PDZD2: variants seen among roughly 807,000 people sequenced by gnomAD.
PDZD2 encodes PDZ domain-containing protein 2.
PDZD2 carries 90 observed loss-of-function variants against 220.7 expected under a neutral mutation model. That is an observed-to-expected ratio of 0.41 (90% CI 0.34 to 0.49). The LOEUF is 0.49. Ranked by LOEUF, PDZD2 falls within the 20% of genes least tolerant of loss-of-function variation. The pLI is 0.28. For missense variants in PDZD2, 3,174 were observed against 3,608.5 expected, an observed-to-expected ratio of 0.88 and a Z score of 3.08; for synonymous variants, 1,375 against 1,450.5, an observed-to-expected ratio of 0.95 and a Z score of 1.18.
At chr5:31,980,192 A>G (rs1677701234) in intron 2 of PDZD2, among the ~76,000 whole-genome samples, 2 of 152,160 alleles carry the variant, frequency 1.3e-5, no homozygotes, top group Non-Finnish European at 2.9e-5. Flanking sequence ...ATCTATTAGC[A>G]GTGAGTCCCA....
Position 32,089,376 on chromosome 5 carries a change from C to A in PDZD2, c.5928C>A (p.Asp1976Glu). The change falls in exon 20 of 25, where the codon GAC becomes GAA. Residue 1976 changes from aspartate to glutamate, a missense_variant. By Grantham distance (45) the Asp-to-Glu change is conservative. Transcript: ENST00000438447. ...GGCCACTGAAACCCTCAGTGTCTGA[C>A]ACGAGCATCAGGACATTTGTCTCGC... ...TSGPLKPSVS[D>E]TSIRTFVSPL... 1 of 1,614,176 alleles carries A rather than the reference C, an allele frequency of 6.2e-7. No homozygotes were observed. Among genetic ancestry groups the A allele is most frequent in the Non-Finnish European group, 8.5e-7 (1 of 1,180,026 alleles).
Position 32,089,332 on chromosome 5 carries a change from C to T in PDZD2, c.5884C>T (p.Pro1962Ser). 1 of 1,614,118 alleles carries T rather than the reference C, an allele frequency of 6.2e-7. No homozygotes were observed. The highest frequency in any genetic ancestry group is 8.5e-7 in the Non-Finnish European group (1 of 1,180,002). The change falls in exon 20 of 25, where the codon CCA becomes TCA. Residue 1962 changes from proline (P) to serine (S), a missense_variant. Pro to Ser is a moderately conservative substitution (Grantham distance 74). Around this residue, in one of 4 missense-constraint regions of PDZD2, gnomAD observed 1,861 missense variants for 2,001.0 expected, o/e 0.93. Transcript: ENST00000438447. ...CCCCCAGTGTGTGCTGGAAAGCAAGCCACCTCTTGCCACCTCTGGGCCACT... is the reference window on the plus strand; with the variant it reads ...CCCCCAGTGTGTGCTGGAAAGCAAGTCACCTCTTGCCACCTCTGGGCCACT... Reference protein sequence around the residue: ...RSPQCVLESKPPLATSGPLKP... With the variant: ...RSPQCVLESKSPLATSGPLKP...
intron 2 of PDZD2, among the ~76,000 whole-genome samples, chr5:31,895,448 CA>C (rs1355141755): frequency 6.6e-6 from 1 of 152,174 alleles, no homozygotes; most frequent in East Asian, 1.9e-4. Context: ...CAGGTACTGC[CA>C]GTACCTTGAT....
chr5:31,855,567 T>G (rs1204996085), intron 2 of PDZD2, among the ~76,000 whole-genome samples: 1 of 152,196 alleles, frequency 6.6e-6, no homozygotes, highest in Non-Finnish European at 1.5e-5. Flanking sequence ...GCGGGGGGCA[T>G]GGCAGCAGCC....
At chr5:32,031,188 T>G (rs180895495) in intron 6 of PDZD2, among the ~76,000 whole-genome samples, 48 of 152,312 alleles carry the variant, frequency 3.2e-4, no homozygotes, top group African/African-American at 9.6e-4. Context: ...CTCCCTACTT[T>G]TGTGACAGAC....
In PDZD2 at chr5:32,089,125, A is replaced by G; in HGVS notation, c.5677A>G (p.Lys1893Glu). The G allele has an allele frequency of 6.2e-7, 1 of 1,614,142 alleles. No individual in the cohort carries two copies. The highest frequency in any genetic ancestry group is 8.5e-7 in the Non-Finnish European group (1 of 1,179,998). Reference protein sequence around the residue: ...PKLKRLSLKGKAKVNSEAPAA... With the variant: ...PKLKRLSLKGEAKVNSEAPAA... ...GCTGAAGAGGCTCAGCCTCAAGGGC[A>G]AGGCCAAAGTCAACTCTGAGGCCCC... The change falls in exon 20 of 25, where the codon AAG becomes GAG. Residue 1893 changes from lysine to glutamate, a missense_variant. Coordinates refer to ENST00000438447, the MANE Select transcript of PDZD2 (RefSeq NM_178140.4).
chr5:31,639,312 CGGGG>C lies in PDZD2; in HGVS notation c.-485_-482del, dbSNP rs1744843744. The C allele has an allele frequency of 6.7e-6, 1 of 149,878 alleles. No homozygotes were observed. The highest frequency in any genetic ancestry group is 2.4e-5 in the African/African-American group (1 of 41,180). The allele number at this position is 149,878 out of a possible 1,614,324, so 9.3% of individuals were successfully genotyped here. ...GCCGGCGAACCGCGGCTCTGCAGCT[CGGGG>C]CAGGCGCGGCGGCGGCACCGGTGGT... On this transcript the variant is annotated 5_prime_UTR_variant, in exon 1 of 25. Coordinates refer to ENST00000438447, the MANE Select transcript of PDZD2 (RefSeq NM_178140.4). The surrounding 1 kb of genome is among the most constrained non-coding windows in gnomAD (Gnocchi z 4.1).
At chr5:31,647,289 C>G (rs1454470761) in intron 1 of PDZD2, among the ~76,000 whole-genome samples, 1 of 152,330 alleles carries the variant, frequency 6.6e-6, no homozygotes, top group Non-Finnish European at 1.5e-5. Flanking sequence ...TTGCCACATA[C>G]AGCTCATTCA....
At chr5:31,923,490 C>G (rs1209845844) in intron 2 of PDZD2, 27 of 950,072 alleles carry the variant, frequency 2.8e-5, no homozygotes, top group Non-Finnish European at 4.3e-5. Flanking sequence ...GGGTGCAGAT[C>G]CTGGAATGTC....
chr5:32,008,960 G>A (rs1753071180), intron 5 of PDZD2, among the ~76,000 whole-genome samples: 1 of 152,130 alleles, frequency 6.6e-6, no homozygotes, highest in South Asian at 2.1e-4. Context: ...GAGTCCAAAG[G>A]GTTTGGAAGG....
chr5:31,792,704 C>T (rs1163954845), intron 1 of PDZD2, among the ~76,000 whole-genome samples: 1 of 151,882 alleles, frequency 6.6e-6, no homozygotes, highest in Non-Finnish European at 1.5e-5. Flanking sequence ...AGGCATGAGC[C>T]ACTGCACCCA....
chr5:31,898,104 G>T (rs943633780), intron 2 of PDZD2, among the ~76,000 whole-genome samples: 1 of 152,058 alleles, frequency 6.6e-6, no homozygotes, highest in African/African-American at 2.4e-5. Context: ...CTCCTCCCTG[G>T]AGCCAACTAT....
At chr5:32,026,828 T>C (rs1754703034) in intron 6 of PDZD2, among the ~76,000 whole-genome samples, 1 of 152,230 alleles carries the variant, frequency 6.6e-6, no homozygotes, top group Admixed American at 6.5e-5. Flanking sequence ...ATTTGAAATC[T>C]GTACTAAGGT....
At chr5:31,840,535 T>A (rs1757241548) in intron 2 of PDZD2, 1 of 631,624 alleles carries the variant, frequency 1.6e-6, no homozygotes, top group Non-Finnish European at 2.9e-6. Context: ...CAGCTCAGGC[T>A]CCTTCCCACT....
At chr5:31,659,728 A>C (rs1454608428) in intron 1 of PDZD2, among the ~76,000 whole-genome samples, 1 of 152,258 alleles carries the variant, frequency 6.6e-6, no homozygotes, top group Non-Finnish European at 1.5e-5. Context: ...GTTAAGGGAA[A>C]GACATACAGC....
intron 8 of PDZD2, among the ~76,000 whole-genome samples, chr5:32,049,510 A>C (rs527503303): frequency 6.6e-6 from 1 of 152,336 alleles, no homozygotes; most frequent in African/African-American, 2.4e-5. Flanking sequence ...GGGTCAGGGC[A>C]TCTGAGGCAG....
intron 1 of PDZD2, among the ~76,000 whole-genome samples, chr5:31,699,797 T>G (rs1747541152): frequency 6.6e-6 from 1 of 151,170 alleles, no homozygotes; most frequent in Non-Finnish European, 1.5e-5. Context: ...TTTTTGTTTT[T>G]TTTTTGGTAT....
intron 1 of PDZD2, among the ~76,000 whole-genome samples, chr5:31,695,268 C>T (rs34491350): frequency 0.08 from 12,122 of 152,224 alleles, 527 homozygotes; most frequent in Middle Eastern, 0.12. Context: ...TGGGTGCCCC[C>T]GGCTCAGGGC....
chr5:31,983,340 T>C lies in PDZD2; in HGVS notation c.662T>C (p.Val221Ala). 6.2e-7 allele frequency: 1 copy of C among 1,614,120 alleles called. No homozygotes were observed. The highest frequency in any genetic ancestry group is 8.5e-7 in the Non-Finnish European group (1 of 1,180,034). Residue 221 changes from valine (V) to alanine (A), a missense_variant, in exon 3 of 25, where the codon GTC becomes GCC. This residue lies in a region of PDZD2 where 632 missense variants were observed against 708.1 expected (regional missense o/e 0.89). Transcript: ENST00000438447. Reference protein sequence around the residue: ...KKGKRTRKFGVISRPPANKAP... With the variant: ...KKGKRTRKFGAISRPPANKAP... ...GGGAAACGAACCAGAAAGTTTGGGG[T>C]CATCTCCAGGCCTCCTGCCAACAAG...
Sources: gnomAD v4.1 joint callset for allele counts (sites outside exome capture counted in the v4.1 genomes callset) on GRCh38, gnomAD v4.1.1 for gene constraint, gnomAD v4.1.1 regional missense constraint, Gnocchi (gnomAD v3.1) non-coding constraint, MANE v1.5 for transcripts, NCBI Gene and HGNC (gene_info 2026-07-23, HGNC 2026-07-21) for gene names.